Variants in EVA1C observed in about 807,000 individuals in gnomAD.
The protein encoded by EVA1C is protein eva-1 homolog C.
Under a neutral mutation model 45.4 loss-of-function variants are expected in EVA1C, and 25 were observed. The ratio of observed to expected loss-of-function variants is 0.55; its 90% CI spans 0.40 to 0.77. The LOEUF (loss-of-function observed/expected upper bound fraction) is 0.77, where lower values mean the gene tolerates loss of function less well. Ranked by LOEUF, EVA1C falls within the 30% of genes least tolerant of loss-of-function variation. EVA1C has a pLI of 0.00. For synonymous variants in EVA1C, 190 were observed against 221.2 expected (o/e 0.86, Z 1.25); for missense variants, 479 against 554.8 (o/e 0.86, Z 1.37).
At chr21:32,508,385 G>A (rs2037843395) in intron 7 of EVA1C, among the ~76,000 whole-genome samples, 1 of 152,214 alleles carries the variant, frequency 6.6e-6, no homozygotes. Flanking sequence ...AGAAGGGACA[G>A]GCTTGCAGCC....
chr21:32,507,898 T>C (rs372189246), intron 7 of EVA1C, among the ~76,000 whole-genome samples: 69 of 124,756 alleles, frequency 5.5e-4, no homozygotes, highest in African/African-American at 2.4e-3. Context: ...TCTGTGCATG[T>C]GTGTATCTGT....
intron 4 of EVA1C, among the ~76,000 whole-genome samples, chr21:32,481,396 A>G (rs2036778580): frequency 1.4e-5 from 2 of 140,290 alleles, no homozygotes; most frequent in Non-Finnish European, 3.0e-5. Context: ...GAGAAGAAAC[A>G]GAACCTTTTT....
chr21:32,441,526 A>G (rs564403895), intron 1 of EVA1C, among the ~76,000 whole-genome samples: 32 of 152,100 alleles, frequency 2.1e-4, no homozygotes, highest in African/African-American at 7.0e-4. Flanking sequence ...AGGCTGGATG[A>G]AGTAGAAGGG....
In EVA1C at chr21:32,511,055, C is replaced by CTCTATCTA. The variant is rs55738338; in HGVS notation, c.950-3757_950-3750dup. Among the ~76,000 whole-genome samples the CTCTATCTA allele has an allele frequency of 2.3e-4, 35 of 151,072 alleles. 1 individual carries two copies. The highest frequency in any genetic ancestry group is 8.5e-4 in the African/African-American group (35 of 41,068). ...ACTCTCTCTCTCTCCCTCTCTCTCT[C>CTCTATCTA]TCTATCTATATGTATACACAATATA... On this transcript the variant is annotated intron_variant, in intron 7 of 7. Transcript: ENST00000300255.
chr21:32,426,492 TC>T (rs1161429817), intron 1 of EVA1C, among the ~76,000 whole-genome samples: 1 of 151,670 alleles, frequency 6.6e-6, no homozygotes, highest in African/African-American at 2.4e-5. Context: ...CTGCTCTCAT[TC>T]CCCCTACCTC....
At chr21:32,467,917 T>TAG in intron 4 of EVA1C, 69 bp downstream of exon 4, 2 of 889,324 alleles carry the variant, frequency 2.2e-6, no homozygotes, top group Non-Finnish European at 3.0e-6. Context: ...TATATATATA[T>TAG]ATATCCTATA....
At position 32,426,965 on chromosome 21, in the gene EVA1C, A is replaced by G. The variant is rs551155071; in HGVS notation, c.160+13952A>G. Among the ~76,000 whole-genome samples, 11 of 152,270 alleles carry G rather than the reference A, an allele frequency of 7.2e-5. No individual in the cohort carries two copies. The South Asian group carries it at 2.3e-3, about 32-fold the overall frequency. The stretch of plus-strand genomic sequence containing the variant: ...CAAGCATTTTAAGAGCTTTGTCCCA[A>G]AAAAAGGTCTATTGTGTGGCTCTTG... On this transcript the variant is annotated intron_variant, in intron 1 of 7. Transcript: ENST00000300255.
intron 6 of EVA1C, among the ~76,000 whole-genome samples, chr21:32,503,463 T>G (rs1340640607): frequency 2.0e-5 from 3 of 152,126 alleles, no homozygotes; most frequent in Non-Finnish European, 4.4e-5. Context: ...GGAGAATTGC[T>G]TGAAACCAGG....
chr21:32,499,850 G>C (rs1199225052), intron 5 of EVA1C, among the ~76,000 whole-genome samples: 1 of 152,176 alleles, frequency 6.6e-6, no homozygotes, highest in Non-Finnish European at 1.5e-5. Context: ...GTTTCAGCGG[G>C]TGCTGTCATC....
At chr21:32,423,921 C>T (rs1294391305) in intron 1 of EVA1C, among the ~76,000 whole-genome samples, 1 of 152,144 alleles carries the variant, frequency 6.6e-6, no homozygotes, top group Non-Finnish European at 1.5e-5. Flanking sequence ...ATCACCTCAT[C>T]TGGGGCTGGA....
At chr21:32,513,981 T>C (rs1180302435) in intron 7 of EVA1C, among the ~76,000 whole-genome samples, 1 of 152,226 alleles carries the variant, frequency 6.6e-6, no homozygotes, top group African/African-American at 2.4e-5. Flanking sequence ...TTTTTTCTCC[T>C]GTCATTATTC....
At chr21:32,440,932 C>A (rs1270183014) in intron 1 of EVA1C, among the ~76,000 whole-genome samples, 1 of 152,074 alleles carries the variant, frequency 6.6e-6, no homozygotes, top group Non-Finnish European at 1.5e-5. Context: ...GAAAACCCGT[C>A]TTTATTAAAA....
intron 1 of EVA1C, among the ~76,000 whole-genome samples, chr21:32,434,421 C>T (rs1250884661): frequency 6.6e-6 from 1 of 150,630 alleles, no homozygotes; most frequent in Non-Finnish European, 1.5e-5. Flanking sequence ...GAAACCCCGT[C>T]TCTACTAAAA....
intron 7 of EVA1C, among the ~76,000 whole-genome samples, chr21:32,509,492 G>A (rs539846195): frequency 6.6e-6 from 1 of 152,316 alleles, no homozygotes; most frequent in South Asian, 2.1e-4. Flanking sequence ...CTGATTTATG[G>A]AGCCCCATCC....
chr21:32,479,247 C>T (rs955257912), intron 4 of EVA1C, among the ~76,000 whole-genome samples: 14 of 152,074 alleles, frequency 9.2e-5, no homozygotes, highest in African/African-American at 3.4e-4. Flanking sequence ...ATGGGGAAAC[C>T]CCATCTCTAC....
chr21:32,507,043 G>A (rs572551529), intron 7 of EVA1C, among the ~76,000 whole-genome samples: 1 of 152,304 alleles, frequency 6.6e-6, no homozygotes, highest in Non-Finnish European at 1.5e-5. Context: ...CAGTAGTGCA[G>A]TCCAGTGTAC....
chr21:32,466,741 A>T (rs1454294562), intron 3 of EVA1C, among the ~76,000 whole-genome samples: 1 of 151,802 alleles, frequency 6.6e-6, no homozygotes, highest in Admixed American at 6.6e-5. Context: ...CTAAAGAGGG[A>T]TTCTTAACTG....
At position 32,493,855 on chromosome 21, in the gene EVA1C, A is replaced by C. The variant is rs544012091; in HGVS notation, c.635-1172A>C. 3 of 152,108 alleles carry C rather than the reference A, an allele frequency of 2.0e-5. No individual in the cohort carries two copies. The South Asian group carries it at 6.2e-4, about 32-fold the overall frequency. The allele number at this position is 152,108 out of a possible 1,614,324, so 9.4% of individuals were successfully genotyped here. A position where few individuals can be genotyped will look rare whatever the true frequency, so the allele number is the denominator to read the frequency against. ...TGCTTGGTCGCCCAGGCTGGAGTGC[A>C]GTGGCACAATCTCGGCTCACTGTAA... On this transcript the variant is annotated intron_variant, in intron 4 of 7. Coordinates refer to ENST00000300255, the MANE Select transcript of EVA1C (RefSeq NM_058187.5).
In EVA1C at chr21:32,419,816, T is replaced by TG. The variant is rs1326356518; in HGVS notation, c.160+6809dup. Among the ~76,000 whole-genome samples the TG allele has an allele frequency of 2.8e-5, 4 of 140,748 alleles. No homozygotes were observed. The East Asian group carries it at 9.4e-4, about 33-fold the overall frequency. 92.3% of individuals were successfully genotyped at this position (140,748 alleles called of 152,430 possible). A position where few individuals can be genotyped will look rare whatever the true frequency, so the allele number is the denominator to read the frequency against. On this transcript the variant is annotated intron_variant, in intron 1 of 7. Transcript: ENST00000300255. ...AGAAGGTGGGAGCGGGGGTGGGGGC[T>TG]GGGGGGAGGTCTGAAGTTTTATGAT...
Sources: gnomAD v4.1 joint callset for allele counts (sites outside exome capture counted in the v4.1 genomes callset) on GRCh38, gnomAD v4.1.1 for gene constraint, MANE v1.5 for transcripts, NCBI Gene and HGNC (gene_info 2026-07-23, HGNC 2026-07-21) for gene names.